BNC2: variants seen among roughly 807,000 people sequenced by gnomAD.
The protein encoded by BNC2 is basonuclin zinc finger protein 2, also known as zinc finger protein basonuclin-2.
In BNC2, 20 loss-of-function variants were observed where a neutral mutation model predicts 76.3. The ratio of observed to expected loss-of-function variants is 0.26; its 90% CI spans 0.18 to 0.38. The LOEUF (loss-of-function observed/expected upper bound fraction) is 0.38. Ranked by LOEUF, BNC2 falls within the 10% of genes least tolerant of loss-of-function variation. The probability of loss-of-function intolerance (pLI) is 1.00; values close to 1 mark genes in which losing one functional copy is unlikely to be tolerated. For synonymous variants in BNC2, 582 were observed against 514.8 expected, an observed-to-expected ratio of 1.13 and a Z score of -1.77; for missense variants, 1,382 against 1,399.8, an observed-to-expected ratio of 0.99 and a Z score of 0.20.
chr9:16,625,995 G>A (rs576984065), intron 3 of BNC2: 1 of 152,320 alleles, frequency 6.6e-6, no homozygotes, highest in South Asian at 2.1e-4. Flanking sequence ...AAGCTGTGTG[G>A]AGCTAGATAC....
At chr9:16,565,653 C>T (rs971234178) in intron 4 of BNC2, among the ~76,000 whole-genome samples, 2 of 151,798 alleles carry the variant, frequency 1.3e-5, no homozygotes, top group African/African-American at 4.8e-5. Context: ...ACAAAAAATA[C>T]AAAAATTAGC....
intron 5 of BNC2, among the ~76,000 whole-genome samples, chr9:16,463,696 A>T (rs940023326): frequency 1.3e-5 from 2 of 152,188 alleles, no homozygotes; most frequent in Non-Finnish European, 2.9e-5. Context: ...AATGACGGTT[A>T]CATATTAACA....
chr9:16,682,484 G>C (rs1240144228), intron 3 of BNC2, among the ~76,000 whole-genome samples: 1 of 151,912 alleles, frequency 6.6e-6, no homozygotes, highest in African/African-American at 2.4e-5. Flanking sequence ...ATTATTACAG[G>C]AACAGTGTCA....
intron 5 of BNC2, among the ~76,000 whole-genome samples, chr9:16,453,838 G>C (rs899587006): frequency 1.3e-5 from 2 of 152,052 alleles, no homozygotes; most frequent in African/African-American, 4.8e-5. Flanking sequence ...AAACCTCAAC[G>C]GTCCCATTTG....
At chr9:16,740,552 G>C (rs1410754627) in intron 1 of BNC2, among the ~76,000 whole-genome samples, 1 of 152,190 alleles carries the variant, frequency 6.6e-6, no homozygotes, top group Non-Finnish European at 1.5e-5. Flanking sequence ...GAGTTAAGAA[G>C]TAAGCAAATT....
At chr9:16,844,498 T>C (rs1379993842) in intron 1 of BNC2, among the ~76,000 whole-genome samples, 11 of 144,378 alleles carry the variant, frequency 7.6e-5, no homozygotes, top group African/African-American at 2.8e-4. Context: ...CTTTTCTTTT[T>C]TTTTTTTTTT....
In BNC2 at chr9:16,657,003, G is replaced by T. The variant is rs1035975130; in HGVS notation, c.330+70794C>A. 4.6e-5 allele frequency among the ~76,000 whole-genome samples: 7 copies of T among 152,250 alleles called. No homozygotes were observed. The East Asian group carries it at 1.2e-3, about 25-fold the overall frequency. The stretch of plus-strand genomic sequence containing the variant: ...AGATGGTGATGCTATTTAAAGAACG[G>T]TGGAGGCTGACTATAGTGGGGCAAG... On this transcript the variant is annotated intron_variant, in intron 3 of 6. Transcript: ENST00000380672.
intron 3 of BNC2, among the ~76,000 whole-genome samples, chr9:16,701,491 T>A (rs1823511445): frequency 6.6e-6 from 1 of 152,160 alleles, no homozygotes; most frequent in South Asian, 2.1e-4. Context: ...AAGGTAGCAA[T>A]AAAGTTATTA....
At position 16,491,291 on chromosome 9, in the gene BNC2, T is replaced by C. The variant is rs115257208; in HGVS notation, c.670-53767A>G. On this transcript the variant is annotated intron_variant, in intron 5 of 6. Transcript: ENST00000380672. ...TAAGGATACAAATGGCTGGAGGCAA[T>C]GCTGCTAATCAAGTAAGATCCTTCC... Among the ~76,000 whole-genome samples the C allele has an allele frequency of 8.1e-3, 1,231 of 152,262 alleles. 21 individuals are homozygous for C. Among genetic ancestry groups the C allele is most frequent in the African/African-American group, 0.028 (1,164 of 41,532 alleles).
intron 5 of BNC2, among the ~76,000 whole-genome samples, chr9:16,452,036 C>T (rs1160505922): frequency 1.3e-5 from 2 of 152,142 alleles, no homozygotes; most frequent in African/African-American, 2.4e-5. Flanking sequence ...CTGACCTGAC[C>T]TGGTCGAGTG....
intron 1 of BNC2, among the ~76,000 whole-genome samples, chr9:16,835,114 C>G (rs573390570): frequency 6.6e-6 from 1 of 152,322 alleles, no homozygotes; most frequent in African/African-American, 2.4e-5. Context: ...AATATCAACA[C>G]TGTCCTTCCA....
intron 5 of BNC2, among the ~76,000 whole-genome samples, chr9:16,444,864 T>C (rs1345751448): frequency 1.3e-5 from 2 of 152,216 alleles, no homozygotes. Flanking sequence ...AAATTGTCAT[T>C]CTAAAGCCAG....
At chr9:16,830,633 G>C (rs1412931506) in intron 1 of BNC2, among the ~76,000 whole-genome samples, 1 of 152,144 alleles carries the variant, frequency 6.6e-6, no homozygotes. Context: ...TTTCATTCAA[G>C]GTGATTGCCA....
chr9:16,499,737 G>C (rs1822479622), intron 5 of BNC2, among the ~76,000 whole-genome samples: 1 of 151,670 alleles, frequency 6.6e-6, no homozygotes. Context: ...CACCATATTG[G>C]CCAGGAGGGT....
chr9:16,655,015 T>A (rs1011163028), intron 3 of BNC2, among the ~76,000 whole-genome samples: 9 of 151,902 alleles, frequency 5.9e-5, no homozygotes, highest in African/African-American at 2.2e-4. Flanking sequence ...AAATGATAGA[T>A]CAATAACTGT....
chr9:16,751,614 A>G (rs865878963), intron 1 of BNC2, among the ~76,000 whole-genome samples: 896 of 87,722 alleles, frequency 0.01, 12 homozygotes, highest in African/African-American at 0.062. Flanking sequence ...AAATATATAT[A>G]TGTGTATATA....
At chr9:16,608,092 A>C (rs571740599) in intron 3 of BNC2, among the ~76,000 whole-genome samples, 28 of 152,282 alleles carry the variant, frequency 1.8e-4, no homozygotes, top group Non-Finnish European at 3.1e-4. Context: ...GGGCAGGCTC[A>C]AAAAGAGTAG....
At position 16,613,370 on chromosome 9, in the gene BNC2, C is replaced by A. The variant is rs375906500; in HGVS notation, c.331-30285G>T. Among the ~76,000 whole-genome samples, 3 of 152,006 alleles carry A rather than the reference C, an allele frequency of 2.0e-5. No homozygotes were observed. The East Asian group carries it at 5.8e-4, about 29-fold the overall frequency. ...AAAAAATCCATTTTGTGCTTGCAAC[C>A]CAGAAAAATGTTGCTTTAATAAATT... On this transcript the variant is annotated intron_variant, in intron 3 of 6. Transcript: ENST00000380672.
intron 3 of BNC2, among the ~76,000 whole-genome samples, chr9:16,718,888 T>C (rs373480069): frequency 2.6e-5 from 4 of 152,312 alleles, no homozygotes; most frequent in African/African-American, 9.6e-5. Flanking sequence ...ACTTTCTGCA[T>C]GTCTACGCAT....
Sources: allele counts gnomAD v4.1 joint callset (sites outside exome capture counted in the v4.1 genomes callset), GRCh38; gene constraint gnomAD v4.1.1; transcripts MANE v1.5; gene names NCBI Gene and HGNC (gene_info 2026-07-23, HGNC 2026-07-21).